Variants in OSBPL10 observed in about 807,000 individuals in gnomAD.
OSBPL10 encodes oxysterol-binding protein-related protein 10.
A neutral mutation model predicts 81.7 loss-of-function variants in OSBPL10; 49 were observed. The ratio of observed to expected loss-of-function variants is 0.60; its 90% CI spans 0.48 to 0.76. The LOEUF (loss-of-function observed/expected upper bound fraction) is 0.76. Ranked by LOEUF, OSBPL10 falls within the 30% of genes least tolerant of loss-of-function variation. The probability of loss-of-function intolerance (pLI) is 0.00; values close to 1 mark genes in which losing one functional copy is unlikely to be tolerated. For synonymous variants in OSBPL10, 419 were observed against 383.6 expected (o/e 1.09, Z -1.08); for missense variants, 923 against 987.8 (o/e 0.93, Z 0.88).
intron 2 of OSBPL10, chr3:31,988,930 C>G: frequency 9.7e-7 from 1 of 1,035,956 alleles, no homozygotes; most frequent in Non-Finnish European, 1.4e-6. Context: ...AAACCCCGAC[C>G]CACAGCGACT....
chr3:31,864,384 G>C (rs1328831061), intron 3 of OSBPL10, among the ~76,000 whole-genome samples: 1 of 152,056 alleles, frequency 6.6e-6, no homozygotes, highest in East Asian at 1.9e-4. Flanking sequence ...TGGTATGACA[G>C]ACACACGCCA....
At chr3:31,721,283 G>A (rs1038645728) in intron 6 of OSBPL10, 1 of 152,224 alleles carries the variant, frequency 6.6e-6, no homozygotes, top group Non-Finnish European at 1.5e-5. Flanking sequence ...ACCTGTGTCA[G>A]ACTTCTAACC....
rs373031312 is a variant in OSBPL10, at chr3:31,749,904, G to C, written c.730-1784C>G. Among the ~76,000 whole-genome samples, 73 of 150,736 alleles carry C rather than the reference G, an allele frequency of 4.8e-4. 1 individual carries two copies. In the South Asian group the frequency reaches 0.015, roughly 31 times the overall value. On this transcript the variant is annotated intron_variant, in intron 4 of 11. Coordinates refer to ENST00000396556, the MANE Select transcript of OSBPL10 (RefSeq NM_017784.5). ...CATTTAAAATTGCACCTCCAGGCCG[G>C]GCATGGTGGCTCACGCCTGTAATCC...
chr3:31,883,432 G>A (rs1695645750), intron 1 of OSBPL10, among the ~76,000 whole-genome samples: 1 of 151,700 alleles, frequency 6.6e-6, no homozygotes, highest in Non-Finnish European at 1.5e-5. Flanking sequence ...TAGAGATGGG[G>A]TTTCCCCATG....
chr3:31,788,487 T>C (rs80170080), intron 4 of OSBPL10, among the ~76,000 whole-genome samples: 14,080 of 152,146 alleles, frequency 0.093, 887 homozygotes, highest in African/African-American at 0.19. Context: ...GTGGGTGGGA[T>C]AGGAAAGTTG....
chr3:32,016,361 C>A (rs1699312976), intron 2 of OSBPL10, among the ~76,000 whole-genome samples: 1 of 152,148 alleles, frequency 6.6e-6, no homozygotes, highest in Non-Finnish European at 1.5e-5. Context: ...AAACCAAACA[C>A]CGCATGTTCT....
intron 2 of OSBPL10, among the ~76,000 whole-genome samples, chr3:32,011,842 C>T (rs927873477): frequency 2.0e-5 from 3 of 151,934 alleles, no homozygotes; most frequent in Non-Finnish European, 4.4e-5. Context: ...GAAAGGTTAT[C>T]AGTGATGGAA....
At chr3:32,012,948 C>G (rs1265275783) in intron 2 of OSBPL10, among the ~76,000 whole-genome samples, 8 of 150,650 alleles carry the variant, frequency 5.3e-5, no homozygotes, top group Non-Finnish European at 1.0e-4. Flanking sequence ...TAAAGCAAGT[C>G]CTTAGAGACC....
At chr3:31,783,827 T>A (rs1426120443) in intron 4 of OSBPL10, among the ~76,000 whole-genome samples, 499 of 43,194 alleles carry the variant, frequency 0.012, 4 homozygotes, top group Non-Finnish European at 0.015. Flanking sequence ...AAAAAAAATA[T>A]ATATATATAT....
At chr3:31,789,868 T>C (rs1384215994) in intron 4 of OSBPL10, among the ~76,000 whole-genome samples, 3 of 152,214 alleles carry the variant, frequency 2.0e-5, no homozygotes, top group Non-Finnish European at 4.4e-5. Context: ...CTGAGTTGTA[T>C]GGTGTATACA....
chr3:31,820,748 C>G (rs1485972504), intron 4 of OSBPL10, among the ~76,000 whole-genome samples: 1 of 152,156 alleles, frequency 6.6e-6, no homozygotes, highest in Non-Finnish European at 1.5e-5. Context: ...GCCCAAGTTC[C>G]CCCTTGCTTC....
At chr3:31,899,817 C>CA (rs1251458443) in intron 1 of OSBPL10, among the ~76,000 whole-genome samples, 4 of 151,950 alleles carry the variant, frequency 2.6e-5, no homozygotes, top group African/African-American at 7.2e-5. Context: ...CCCACCTCTA[C>CA]AAAAAAAATT....
chr3:31,812,531 T>C (rs73059421), intron 4 of OSBPL10, among the ~76,000 whole-genome samples: 74 of 152,098 alleles, frequency 4.9e-4, no homozygotes, highest in Admixed American at 4.8e-3. Context: ...AAAGGCACTA[T>C]GTAATTATGA....
intron 1 of OSBPL10, among the ~76,000 whole-genome samples, chr3:31,942,631 A>C (rs1697572474): frequency 6.6e-6 from 1 of 151,752 alleles, no homozygotes; most frequent in African/African-American, 2.4e-5. Flanking sequence ...CATTGTCAGC[A>C]TCTGAGCCTG....
intron 8 of OSBPL10, among the ~76,000 whole-genome samples, chr3:31,676,197 T>C (rs1700469567): frequency 6.6e-6 from 1 of 152,162 alleles, no homozygotes. Context: ...CTTTGGCTTG[T>C]TTCTGAAAAT....
At chr3:31,994,100 A>C (rs564498470) in intron 2 of OSBPL10, among the ~76,000 whole-genome samples, 1 of 152,354 alleles carries the variant, frequency 6.6e-6, no homozygotes, top group South Asian at 2.1e-4. Flanking sequence ...TCTCATATGC[A>C]TTATGTTCAG....
intron 7 of OSBPL10, among the ~76,000 whole-genome samples, chr3:31,687,593 T>C (rs1700824694): frequency 6.6e-6 from 1 of 152,068 alleles, no homozygotes; most frequent in South Asian, 2.1e-4. Context: ...GAGGGCGCTA[T>C]GCCTGGGCCA....
At chr3:31,745,459 A>G (rs1344196486) in intron 5 of OSBPL10, among the ~76,000 whole-genome samples, 1 of 152,196 alleles carries the variant, frequency 6.6e-6, no homozygotes, top group Non-Finnish European at 1.5e-5. Flanking sequence ...CATTTTTCAT[A>G]CTATTCTTGC....
intron 4 of OSBPL10, among the ~76,000 whole-genome samples, chr3:31,752,565 A>C (rs1362606082): frequency 6.6e-6 from 1 of 152,244 alleles, no homozygotes. Context: ...ATGCGTTACA[A>C]AATCAAATCA....
Sources: gnomAD v4.1 joint callset for allele counts (sites outside exome capture counted in the v4.1 genomes callset) on GRCh38, gnomAD v4.1.1 for gene constraint, MANE v1.5 for transcripts, NCBI Gene and HGNC (gene_info 2026-07-23, HGNC 2026-07-21) for gene names.